TRERF1: variants seen among roughly 807,000 people sequenced by gnomAD.
TRERF1 encodes transcriptional-regulating factor 1.
A neutral mutation model predicts 122.9 loss-of-function variants in TRERF1; 27 were observed. The observed-to-expected ratio is 0.22, with a 90% CI of 0.16 to 0.30. TRERF1 has a LOEUF of 0.30. Among genes scored for constraint, TRERF1 ranks in the 10% least tolerant of loss-of-function variants. TRERF1 has a pLI of 1.00. For missense variants in TRERF1, 1,248 were observed against 1,560.3 expected (o/e 0.80, Z 3.37); for synonymous variants, 636 against 641.7 (o/e 0.99, Z 0.13).
chr6:42,289,198 T>C (rs967054484), intron 4 of TRERF1, among the ~76,000 whole-genome samples: 2 of 151,946 alleles, frequency 1.3e-5, no homozygotes, highest in East Asian at 3.9e-4. Flanking sequence ...TGGTGGCACA[T>C]ACCTGTAATT....
chr6:42,258,312 G>A lies in TRERF1; in HGVS notation c.2270-111C>T, dbSNP rs1777130155. 3.3e-6 allele frequency: 3 copies of A among 915,060 alleles called. No homozygotes were observed. The African/African-American group carries it at 4.9e-5, about 15-fold the overall frequency. The allele number at this position is 915,060 out of a possible 1,614,324, so 56.7% of individuals were successfully genotyped here. On this transcript the variant is annotated intron_variant, in intron 9 of 17. Coordinates refer to ENST00000372922, the Ensembl canonical transcript of TRERF1. ...CATAATAGAGCTTCTCTCCTACCCA[G>A]CTCCTGCCAGAGTTATCCTTGACAG...
intron 3 of TRERF1, among the ~76,000 whole-genome samples, chr6:42,362,239 A>T (rs911168787): frequency 6.6e-6 from 1 of 152,222 alleles, no homozygotes; most frequent in African/African-American, 2.4e-5. Flanking sequence ...ATCAGGCACA[A>T]TAAAAAAGAA....
intron 8 of TRERF1, among the ~76,000 whole-genome samples, chr6:42,262,107 G>A (rs1777998161): frequency 6.6e-6 from 1 of 152,050 alleles, no homozygotes; most frequent in Non-Finnish European, 1.5e-5. Flanking sequence ...ACTTCCCTGG[G>A]CAAAGAGGGA....
chr6:42,317,546 G>T (rs1309498740), intron 3 of TRERF1, among the ~76,000 whole-genome samples: 4 of 151,590 alleles, frequency 2.6e-5, no homozygotes, highest in Non-Finnish European at 5.9e-5. Context: ...ATAGAGACAG[G>T]GTCTCATTTT....
At chr6:42,335,905 ACT>A (rs1347846112) in intron 3 of TRERF1, among the ~76,000 whole-genome samples, 1 of 152,062 alleles carries the variant, frequency 6.6e-6, no homozygotes, top group African/African-American at 2.4e-5. Context: ...CCCTGGCAAG[ACT>A]CTAAGCCAGT....
At chr6:42,252,801 T>C (rs571415634) in intron 13 of TRERF1, among the ~76,000 whole-genome samples, 18 of 152,346 alleles carry the variant, frequency 1.2e-4, no homozygotes, top group Admixed American at 1.1e-3. Context: ...ACCTCTGCCC[T>C]TTTTGCTCAA....
Position 42,359,709 on chromosome 6 carries a change from C to T in TRERF1, c.-371+3288G>A, listed in dbSNP as rs183888347. ...ACAACACTCTAGCCTGGTGACAGAGCGAGACTCCGTCTCAAAAAAACACCC... is the reference window on the plus strand; with the variant it reads ...ACAACACTCTAGCCTGGTGACAGAGTGAGACTCCGTCTCAAAAAAACACCC... On this transcript the variant is annotated intron_variant, in intron 3 of 17. Coordinates refer to ENST00000372922, the Ensembl canonical transcript of TRERF1. Among the ~76,000 whole-genome samples the T allele has an allele frequency of 1.7e-3, 258 of 152,192 alleles. 1 individual carries two copies. Among genetic ancestry groups the T allele is most frequent in the African/African-American group, 5.6e-3 (231 of 41,544 alleles).
At chr6:42,246,229 C>T (rs554059887) in intron 14 of TRERF1, among the ~76,000 whole-genome samples, 1 of 152,240 alleles carries the variant, frequency 6.6e-6, no homozygotes, top group African/African-American at 2.4e-5. Flanking sequence ...AACCCCGTGC[C>T]ACTGCAGTGT....
chr6:42,268,658 C>T lies in TRERF1; in HGVS notation c.933G>A (p.Gln311=). ...AACCCTGCCGCTGCTGCAGCTGTAG[C>T]TGCTGCGGCTGCTGCTGCTGTGGCG... The change falls in exon 5 of 18, where the codon CAG becomes CAA. Residue 311 remains glutamine (Q), a synonymous_variant. Coordinates refer to ENST00000372922, the Ensembl canonical transcript of TRERF1. The surrounding 1 kb of genome is among the most constrained non-coding windows in gnomAD (Gnocchi z 4.4). 6.2e-7 allele frequency: 1 copy of T among 1,613,976 alleles called. No individual in the cohort carries two copies. Among genetic ancestry groups the T allele is most frequent in the African/African-American group, 1.3e-5 (1 of 75,036 alleles).
At chr6:42,414,386 G>A (rs1259737222) in intron 2 of TRERF1, among the ~76,000 whole-genome samples, 1 of 152,076 alleles carries the variant, frequency 6.6e-6, no homozygotes, top group Non-Finnish European at 1.5e-5. Flanking sequence ...GGCCTCTTTT[G>A]CATGAATAAG....
At chr6:42,233,470 A>G (rs1471260495) in intron 16 of TRERF1, among the ~76,000 whole-genome samples, 1 of 151,920 alleles carries the variant, frequency 6.6e-6, no homozygotes, top group Non-Finnish European at 1.5e-5. Flanking sequence ...TAGTTTTAGT[A>G]GAGACAGGGT....
At chr6:42,381,827 G>C (rs964965401) in intron 2 of TRERF1, among the ~76,000 whole-genome samples, 1 of 148,678 alleles carries the variant, frequency 6.7e-6, no homozygotes. Context: ...AGGGCTCAGG[G>C]AGGCCATCAG....
chr6:42,358,778 T>C (rs76936566), intron 3 of TRERF1, among the ~76,000 whole-genome samples: 5,550 of 145,668 alleles, frequency 0.038, 272 homozygotes, highest in East Asian at 0.25. Flanking sequence ...GTCAATGACC[T>C]AAAGCTTTTT....
intron 3 of TRERF1, among the ~76,000 whole-genome samples, chr6:42,359,617 G>A (rs531076444): frequency 4.3e-4 from 65 of 152,242 alleles, no homozygotes; most frequent in African/African-American, 1.3e-3. Context: ...CCTGCTACTC[G>A]GGAGGCTCAG....
chr6:42,344,416 G>C (rs1326358270), intron 3 of TRERF1, among the ~76,000 whole-genome samples: 1 of 152,158 alleles, frequency 6.6e-6, no homozygotes, highest in Non-Finnish European at 1.5e-5. Flanking sequence ...TGAGGAAACT[G>C]AGGCCCAGAG....
rs1366571425 is a variant in TRERF1 at position 42,259,408 on chromosome 6, G to A, written c.2200C>T (p.Pro734Ser). 6.5e-7 allele frequency: 1 copy of A among 1,546,728 alleles called. No homozygotes were observed. The highest frequency in any genetic ancestry group is 2.0e-5 in the Admixed American group (1 of 50,924). The change falls in exon 9 of 18, where the codon CCT (proline) becomes TCT (serine). Residue 734 changes from proline (P) to serine (S), a missense_variant. Physicochemically the swap from Pro to Ser is moderately conservative, Grantham distance 74 (BLOSUM62 -1). Coordinates refer to ENST00000372922, the Ensembl canonical transcript of TRERF1. The surrounding 1 kb of genome is among the most constrained non-coding windows in gnomAD (Gnocchi z 4.9). ...AGGGGCAGCTGCGGGTGGGCGCCAG[G>A]GCCGTGGCCGGAGATGAGGACATTG...
At chr6:42,309,344 C>T (rs1787830945) in intron 3 of TRERF1, among the ~76,000 whole-genome samples, 1 of 152,164 alleles carries the variant, frequency 6.6e-6, no homozygotes, top group Admixed American at 6.5e-5. Flanking sequence ...GAGATGGAGG[C>T]TCAGAGAGGC....
chr6:42,336,947 C>G (rs1294127093), intron 3 of TRERF1, among the ~76,000 whole-genome samples: 1 of 152,150 alleles, frequency 6.6e-6, no homozygotes, highest in East Asian at 1.9e-4. Context: ...CTCTATGGAG[C>G]CTTGGCTCTA....
At chr6:42,415,741 G>A (rs918201859) in intron 2 of TRERF1, among the ~76,000 whole-genome samples, 4 of 152,106 alleles carry the variant, frequency 2.6e-5, no homozygotes, top group African/African-American at 9.7e-5. Flanking sequence ...AGTACCAAGT[G>A]ATCTTAGTTA....
Sources: allele counts gnomAD v4.1 joint callset (sites outside exome capture counted in the v4.1 genomes callset), GRCh38; gene constraint gnomAD v4.1.1; non-coding constraint Gnocchi (gnomAD v3.1); transcripts MANE v1.5; gene names NCBI Gene and HGNC (gene_info 2026-07-23, HGNC 2026-07-21).